IMMP2L: variants seen among roughly 807,000 people sequenced by gnomAD.
The protein encoded by IMMP2L is mitochondrial inner membrane protease subunit 2.
IMMP2L carries 18 observed loss-of-function variants against 19.3 expected under a neutral mutation model. The observed-to-expected ratio is 0.93, with a 90% CI of 0.64 to 1.38. The LOEUF is 1.38. Ranked by LOEUF, IMMP2L falls within the 40% of genes most tolerant of loss-of-function variation. The pLI is 0.00. For synonymous variants in IMMP2L, 76 were observed against 73.0 expected (o/e 1.04, Z -0.21); for missense variants, 233 against 218.2 (o/e 1.07, Z -0.43).
At chr7:111,054,901 C>T (rs1175853084) in intron 3 of IMMP2L, among the ~76,000 whole-genome samples, 1 of 152,070 alleles carries the variant, frequency 6.6e-6, no homozygotes, top group Non-Finnish European at 1.5e-5. Context: ...GTTACAGGCT[C>T]AATCTATATA....
At chr7:111,495,961 T>C (rs1174829982) in intron 2 of IMMP2L, among the ~76,000 whole-genome samples, 1 of 152,174 alleles carries the variant, frequency 6.6e-6, no homozygotes, top group Non-Finnish European at 1.5e-5. Flanking sequence ...GACCCAACAG[T>C]AGCCCTCAGA....
At chr7:111,082,920 C>A (rs1216548169) in intron 3 of IMMP2L, among the ~76,000 whole-genome samples, 1 of 150,760 alleles carries the variant, frequency 6.6e-6, no homozygotes, top group East Asian at 1.9e-4. Context: ...CATTTCCTTA[C>A]CTTAAAAACC....
chr7:111,225,088 T>A (rs1812936574), intron 3 of IMMP2L, among the ~76,000 whole-genome samples: 1 of 152,158 alleles, frequency 6.6e-6, no homozygotes, highest in African/African-American at 2.4e-5. Flanking sequence ...AAACACTTTT[T>A]ACTTAAAGGG....
At chr7:111,407,020 G>T (rs1833955486) in intron 3 of IMMP2L, among the ~76,000 whole-genome samples, 1 of 152,056 alleles carries the variant, frequency 6.6e-6, no homozygotes, top group Non-Finnish European at 1.5e-5. Context: ...GAAATTCCCA[G>T]TATCCCCAGA....
intron 5 of IMMP2L, among the ~76,000 whole-genome samples, chr7:110,763,990 C>T (rs7803318): frequency 0.61 from 93,269 of 151,992 alleles, 30,061 homozygotes; most frequent in African/African-American, 0.83. Flanking sequence ...AATTATTACA[C>T]TCTCTGAACA....
At chr7:111,196,532 A>G (rs140049984) in intron 3 of IMMP2L, among the ~76,000 whole-genome samples, 1 of 152,322 alleles carries the variant, frequency 6.6e-6, no homozygotes, top group Admixed American at 6.5e-5. Flanking sequence ...AGTCTCCTAT[A>G]CACTATTTTC....
chr7:110,985,823 G>A lies in IMMP2L; in HGVS notation c.240-22258C>T, dbSNP rs1306060336. Among the ~76,000 whole-genome samples the A allele has an allele frequency of 3.3e-5, 5 of 152,030 alleles. No individual in the cohort carries two copies. In the South Asian group the frequency reaches 6.2e-4, roughly 19 times the overall value. Reference sequence around the variant, plus strand: ...GAAATTGAATGTCATTAATAAAAATGAAAACAATACTATCCCCAAAGGAGA... The same window carrying A: ...GAAATTGAATGTCATTAATAAAAATAAAAACAATACTATCCCCAAAGGAGA... On this transcript the variant is annotated intron_variant, in intron 3 of 5. Transcript: ENST00000405709.
chr7:111,255,176 A>G (rs1277463068), intron 3 of IMMP2L, among the ~76,000 whole-genome samples: 1 of 152,072 alleles, frequency 6.6e-6, no homozygotes, highest in Non-Finnish European at 1.5e-5. Flanking sequence ...CAAACTGTGC[A>G]CCAATCCTTG....
intron 5 of IMMP2L, among the ~76,000 whole-genome samples, chr7:110,832,611 C>G (rs1357534913): frequency 6.6e-6 from 1 of 152,044 alleles, no homozygotes; most frequent in Non-Finnish European, 1.5e-5. Context: ...AGCTATGTAC[C>G]TACCCAGAAC....
At chr7:111,288,982 G>A (rs1012105345) in intron 3 of IMMP2L, among the ~76,000 whole-genome samples, 3 of 152,044 alleles carry the variant, frequency 2.0e-5, no homozygotes, top group Non-Finnish European at 2.9e-5. Context: ...TGTTTATTGC[G>A]GCACTGTTGA....
Position 111,402,123 on chromosome 7 carries a change from AAATAATAATAATAATAATAAT to A in IMMP2L, c.239+85094_239+85114del, listed in dbSNP as rs59071691. On this transcript the variant is annotated intron_variant, in intron 3 of 5. Coordinates refer to ENST00000405709, the MANE Select transcript of IMMP2L (RefSeq NM_032549.4). ...ACCACATAGCAAGACCCCATCTCAA[AAATAATAATAATAATAATAAT>A]AATAATAATAATAATAATAATAATA... Among the ~76,000 whole-genome samples, 56 of 137,344 alleles carry A rather than the reference AAATAATAATAATAATAATAAT, an allele frequency of 4.1e-4. 1 individual carries two copies. The South Asian group carries it at 7.7e-3, about 19-fold the overall frequency. The allele number at this position is 137,344 out of a possible 152,430, so 90.1% of individuals were successfully genotyped here. A position where few individuals can be genotyped will look rare whatever the true frequency, so the allele number is the denominator to read the frequency against.
At chr7:110,675,970 T>A (rs1017075310) in intron 5 of IMMP2L, among the ~76,000 whole-genome samples, 3 of 152,144 alleles carry the variant, frequency 2.0e-5, no homozygotes. Context: ...GCCTTACATA[T>A]AAATAACCTC....
At chr7:111,265,918 T>C (rs1442793457) in intron 3 of IMMP2L, among the ~76,000 whole-genome samples, 1 of 152,134 alleles carries the variant, frequency 6.6e-6, no homozygotes, top group Non-Finnish European at 1.5e-5. Flanking sequence ...CATGACTGGG[T>C]TAATGACTGA....
At chr7:110,965,930 C>A (rs935980193) in intron 3 of IMMP2L, among the ~76,000 whole-genome samples, 4 of 151,956 alleles carry the variant, frequency 2.6e-5, no homozygotes, top group Non-Finnish European at 5.9e-5. Flanking sequence ...AATAATCATA[C>A]TTCCAGAAAT....
chr7:110,963,432 C>G (rs972347966), intron 4 of IMMP2L, 68 bp downstream of exon 4: 11 of 1,116,920 alleles, frequency 9.8e-6, no homozygotes, highest in Non-Finnish European at 1.4e-5. Context: ...ATGTATTTCC[C>G]AAGTAATGTA....
chr7:111,124,780 A>G (rs1051082896), intron 3 of IMMP2L: 7 of 1,613,738 alleles, frequency 4.3e-6, no homozygotes, highest in Admixed American at 1.7e-5. Flanking sequence ...ACAGAAACCA[A>G]CCTTTGCATT....
intron 3 of IMMP2L, among the ~76,000 whole-genome samples, chr7:110,989,577 A>G (rs1021557681): frequency 3.8e-4 from 58 of 150,722 alleles, no homozygotes; most frequent in African/African-American, 1.4e-3. Context: ...ATATTTGAGT[A>G]TTGGTAGTAT....
chr7:111,195,284 T>C (rs910684684), intron 3 of IMMP2L, among the ~76,000 whole-genome samples: 2 of 152,154 alleles, frequency 1.3e-5, no homozygotes, highest in Non-Finnish European at 2.9e-5. Context: ...TTTGGAAGAT[T>C]AGATGAGAGG....
chr7:111,453,449 C>T (rs538076984), intron 3 of IMMP2L, among the ~76,000 whole-genome samples: 8 of 152,226 alleles, frequency 5.3e-5, no homozygotes, highest in South Asian at 2.1e-4. Flanking sequence ...GATTGAGAGA[C>T]GCATTTGTGA....
Sources: allele counts gnomAD v4.1 joint callset (sites outside exome capture counted in the v4.1 genomes callset), GRCh38; gene constraint gnomAD v4.1.1; transcripts MANE v1.5; gene names NCBI Gene and HGNC (gene_info 2026-07-23, HGNC 2026-07-21).